The following PRKCE variants were observed in gnomAD, a reference collection of about 807,000 sequenced individuals.
PRKCE encodes the protein protein kinase C epsilon type.
In PRKCE, 16 loss-of-function variants were observed where a neutral mutation model predicts 85.4. That is an observed-to-expected ratio of 0.19 (90% CI 0.13 to 0.28). The LOEUF (loss-of-function observed/expected upper bound fraction) is 0.28. Among genes scored for constraint, PRKCE ranks in the 10% least tolerant of loss-of-function variants. The pLI is 1.00. For missense variants in PRKCE, 573 were observed against 975.2 expected, an observed-to-expected ratio of 0.59 and a Z score of 5.49; for synonymous variants, 388 against 371.5, an observed-to-expected ratio of 1.04 and a Z score of -0.51.
At chr2:45,858,597 C>T (rs549960603) in intron 2 of PRKCE, among the ~76,000 whole-genome samples, 4 of 152,230 alleles carry the variant, frequency 2.6e-5, no homozygotes, top group Non-Finnish European at 5.9e-5. Context: ...CTGACTTTGT[C>T]TTTGCCATTT....
chr2:45,999,355 A>G (rs1039215563), intron 6 of PRKCE, among the ~76,000 whole-genome samples: 1 of 152,126 alleles, frequency 6.6e-6, no homozygotes. Flanking sequence ...TGCAGGGTAG[A>G]GAATTCTAGG....
chr2:45,979,210 A>C (rs1702691909), intron 4 of PRKCE, among the ~76,000 whole-genome samples, 200 bp downstream of exon 4: 1 of 152,180 alleles, frequency 6.6e-6, no homozygotes, highest in Non-Finnish European at 1.5e-5. Context: ...ACCTGTCTCC[A>C]GGCGTCCTTG....
chr2:46,103,491 C>T (rs570763824), intron 11 of PRKCE, among the ~76,000 whole-genome samples: 3 of 152,166 alleles, frequency 2.0e-5, no homozygotes, highest in Admixed American at 2.0e-4. Context: ...TGAATACACA[C>T]ATACACATAA....
Position 46,184,637 on chromosome 2 carries a change from T to C in PRKCE, c.2068-98T>C, listed in dbSNP as rs1574699279. On this transcript the variant is annotated intron_variant, in intron 14 of 14. Coordinates refer to ENST00000306156, the MANE Select transcript of PRKCE (RefSeq NM_005400.3). This position sits in a 1 kb window ranked among gnomAD's most constrained non-coding sequence, Gnocchi z 5.0. ...TGTCTGTTGGTAGCTAGAGGCCTGC[T>C]TTGGTGACAGGCTGGTCAGTGCGGT... is the stretch of plus-strand genomic sequence containing the variant. The C allele has an allele frequency of 1.4e-6, 2 of 1,462,694 alleles. No individual in the cohort carries two copies. Among genetic ancestry groups the C allele is most frequent in the East Asian group, 4.5e-5 (2 of 44,018 alleles). 90.6% of individuals were successfully genotyped at this position (1,462,694 alleles called of 1,614,324 possible).
At chr2:45,831,296 A>C (rs776899393) in intron 1 of PRKCE, among the ~76,000 whole-genome samples, 1 of 152,264 alleles carries the variant, frequency 6.6e-6, no homozygotes, top group Non-Finnish European at 1.5e-5. Flanking sequence ...AGATTTTAGA[A>C]CTAATGTATA....
intron 13 of PRKCE, among the ~76,000 whole-genome samples, chr2:46,158,640 T>A (rs1677450457): frequency 6.6e-6 from 1 of 152,188 alleles, no homozygotes; most frequent in African/African-American, 2.4e-5. Flanking sequence ...AAAGATGTAT[T>A]CCTTTGGATT....
intron 1 of PRKCE, among the ~76,000 whole-genome samples, chr2:45,728,590 A>G (rs1681288788): frequency 6.6e-6 from 1 of 152,160 alleles, no homozygotes; most frequent in Non-Finnish European, 1.5e-5. Context: ...TCTTAGTCAC[A>G]GACTTCTAGA....
Position 46,184,674 on chromosome 2 carries a change from A to G in PRKCE, c.2068-61A>G, listed in dbSNP as rs907600887. ...CTGGTCAGTGCGGTGCCCACTCCCC[A>G]TGGGGGGCCCTCAGGAGGGAGAGCA... On this transcript the variant is annotated intron_variant, in intron 14 of 14. Transcript: ENST00000306156. The surrounding 1 kb of genome is among the most constrained non-coding windows in gnomAD (Gnocchi z 5.0). 1.9e-6 allele frequency: 3 copies of G among 1,577,068 alleles called. No individual in the cohort carries two copies. In the East Asian group the frequency reaches 6.7e-5, roughly 35 times the overall value.
rs541539423 is a variant in PRKCE at position 45,760,673 on chromosome 2, G to A, written c.349-82327G>A. Among the ~76,000 whole-genome samples the A allele has an allele frequency of 2.4e-4, 37 of 152,266 alleles. No individual in the cohort carries two copies. In the South Asian group the frequency reaches 4.1e-3, roughly 17 times the overall value. Reference sequence around the variant, plus strand: ...AACTTAGAATCATTTTCTTGAAGACGAGACTGAAGACAAATTCCCAAAGGA... The same window carrying A: ...AACTTAGAATCATTTTCTTGAAGACAAGACTGAAGACAAATTCCCAAAGGA... On this transcript the variant is annotated intron_variant, in intron 1 of 14. Transcript: ENST00000306156.
At chr2:45,743,994 GTTTTT>G (rs35173223) in intron 1 of PRKCE, among the ~76,000 whole-genome samples, 2 of 131,888 alleles carry the variant, frequency 1.5e-5, no homozygotes, top group Non-Finnish European at 3.1e-5. Flanking sequence ...GCCGTTGTGT[GTTTTT>G]TTTTTTTTTT....
chr2:46,010,761 C>A (rs748583576), intron 10 of PRKCE: 1 of 1,597,810 alleles, frequency 6.3e-7, no homozygotes, highest in South Asian at 1.1e-5. Context: ...CAGAGTTGGA[C>A]AAAGCCAAAT....
intron 1 of PRKCE, among the ~76,000 whole-genome samples, chr2:45,831,466 T>A (rs1690418166): frequency 6.6e-6 from 1 of 152,114 alleles, no homozygotes; most frequent in African/African-American, 2.4e-5. Flanking sequence ...CTGGGTACAA[T>A]GTGGAGGGTC....
intron 1 of PRKCE, among the ~76,000 whole-genome samples, chr2:45,688,524 T>C (rs531508230): frequency 6.6e-6 from 1 of 152,350 alleles, no homozygotes; most frequent in African/African-American, 2.4e-5. Context: ...GGCTAGAATT[T>C]AGCAAAATGA....
At chr2:45,826,611 A>C (rs557555644) in intron 1 of PRKCE, among the ~76,000 whole-genome samples, 1 of 152,142 alleles carries the variant, frequency 6.6e-6, no homozygotes, top group East Asian at 1.9e-4. Context: ...TTCCCCCCGA[A>C]CTTCAGATCT....
At chr2:45,684,331 C>G (rs1050789497) in intron 1 of PRKCE, among the ~76,000 whole-genome samples, 1 of 152,174 alleles carries the variant, frequency 6.6e-6, no homozygotes, top group Non-Finnish European at 1.5e-5. Context: ...GGGGGATAGG[C>G]AAGCATGATT....
chr2:46,161,671 G>A (rs1228671867), intron 14 of PRKCE, among the ~76,000 whole-genome samples: 4 of 152,072 alleles, frequency 2.6e-5, no homozygotes, highest in Non-Finnish European at 5.9e-5. Context: ...GAGGAAGCCA[G>A]GGGGTTTTTA....
chr2:45,969,705 G>C lies in PRKCE; in HGVS notation c.413-6724G>C, dbSNP rs376137344. ...CCTAATACTTTTTAGGCAAGTGAAAGCTTTAAAAAGTCACTAAAGAGCATT... is the reference window on the plus strand; with the variant it reads ...CCTAATACTTTTTAGGCAAGTGAAACCTTTAAAAAGTCACTAAAGAGCATT... On this transcript the variant is annotated intron_variant, in intron 2 of 14. Coordinates refer to ENST00000306156, the MANE Select transcript of PRKCE (RefSeq NM_005400.3). Among the ~76,000 whole-genome samples, 67 of 152,270 alleles carry C rather than the reference G, an allele frequency of 4.4e-4. 1 individual carries two copies. Among genetic ancestry groups the C allele is most frequent in the African/African-American group, 1.5e-3 (62 of 41,554 alleles).
chr2:46,018,468 T>C (rs924608113), intron 10 of PRKCE, among the ~76,000 whole-genome samples: 1 of 151,796 alleles, frequency 6.6e-6, no homozygotes, highest in African/African-American at 2.4e-5. Flanking sequence ...AAACTCCATC[T>C]CAAAAAAAAA....
chr2:45,802,423 G>A (rs1016639853), intron 1 of PRKCE, among the ~76,000 whole-genome samples: 7 of 151,884 alleles, frequency 4.6e-5, no homozygotes, highest in Non-Finnish European at 8.8e-5. Context: ...GATGCATAAA[G>A]GTCCATCTTA....
Sources: gnomAD v4.1 joint callset for allele counts (sites outside exome capture counted in the v4.1 genomes callset) on GRCh38, gnomAD v4.1.1 for gene constraint, Gnocchi (gnomAD v3.1) non-coding constraint, MANE v1.5 for transcripts, NCBI Gene and HGNC (gene_info 2026-07-23, HGNC 2026-07-21) for gene names.